The following OTOGL variants were observed in gnomAD, a reference collection of about 807,000 sequenced individuals.
OTOGL encodes the protein otogelin like.
A neutral mutation model predicts 318.5 loss-of-function variants in OTOGL; 285 were observed. The ratio of observed to expected loss-of-function variants is 0.89; its 90% CI spans 0.81 to 0.99. The LOEUF (loss-of-function observed/expected upper bound fraction) is 0.99. OTOGL is among the 50% of genes least tolerant of loss of function. The probability of loss-of-function intolerance (pLI) is 0.00; values close to 1 mark genes in which losing one functional copy is unlikely to be tolerated. For synonymous variants in OTOGL, 987 were observed against 936.5 expected, an observed-to-expected ratio of 1.05 and a Z score of -0.99; for missense variants, 2,899 against 2,845.6, an observed-to-expected ratio of 1.02 and a Z score of -0.43.
chr12:80,312,061 AT>A (rs1886667677), intron 30 of OTOGL, among the ~76,000 whole-genome samples: 1 of 152,254 alleles, frequency 6.6e-6, no homozygotes. Context: ...ATAGCAAAAT[AT>A]AAAGTTAATT....
At chr12:80,123,186 C>T (rs1357727477) in intron 1 of OTOGL, among the ~76,000 whole-genome samples, 2 of 151,856 alleles carry the variant, frequency 1.3e-5, no homozygotes, top group Non-Finnish European at 2.9e-5. Flanking sequence ...CCTCCCCCTT[C>T]CCCCACCCCA....
chr12:80,320,201 T>A (rs960223977), intron 33 of OTOGL, among the ~76,000 whole-genome samples: 3 of 152,194 alleles, frequency 2.0e-5, no homozygotes, highest in African/African-American at 7.2e-5. Flanking sequence ...GACTGATTTT[T>A]TTTTTTAGTG....
At chr12:80,333,851 A>G (rs1019480133) in intron 38 of OTOGL, among the ~76,000 whole-genome samples, 3 of 152,146 alleles carry the variant, frequency 2.0e-5, no homozygotes, top group Admixed American at 1.3e-4. Flanking sequence ...AGGCAGAGGG[A>G]CCAGCAAGTG....
chr12:80,231,831 G>T (rs995833717), intron 8 of OTOGL, among the ~76,000 whole-genome samples: 1 of 150,516 alleles, frequency 6.6e-6, no homozygotes, highest in African/African-American at 2.5e-5. Context: ...TAGAGACGGG[G>T]TTTCACTGTG....
In OTOGL at chr12:80,366,636, T is replaced by A; in HGVS notation, c.6330T>A (p.Cys2110Ter). The A allele has an allele frequency of 7.3e-7, 1 of 1,376,684 alleles. No homozygotes were observed. The allele number at this position is 1,376,684 out of a possible 1,614,324, so 85.3% of individuals were successfully genotyped here. Residue 2110 changes from cysteine to a stop codon, truncating the protein, a stop_gained and splice_region_variant, in exon 53 of 59, where the codon TGT (cysteine) becomes TGA (stop). Coordinates refer to ENST00000547103, the MANE Select transcript of OTOGL (RefSeq NM_001378609.3). LOFTEE classifies it high-confidence loss of function. ...ATTGTGGATGCATACAGTATCTCTG[T>A]GGTAACTATGTCTTTTGTAACTTTT... ...QSDCGCIQYL[C>*]EKDDVCVFQE... is the part of the protein sequence containing the mutation.
chr12:80,167,199 T>A (rs572080729), intron 1 of OTOGL, among the ~76,000 whole-genome samples: 2 of 152,084 alleles, frequency 1.3e-5, no homozygotes, highest in South Asian at 4.1e-4. Context: ...AGAAACAGAT[T>A]TACCAGCAAA....
chr12:80,328,609 T>C, intron 35 of OTOGL, 56 bp from the exon 36 acceptor site: 1 of 1,324,448 alleles, frequency 7.6e-7, no homozygotes, highest in African/African-American at 1.5e-5. Context: ...GTAGTCCTTT[T>C]TTTTTTGTAT....
At chr12:80,362,583 TAAC>T (rs1424268746) in intron 52 of OTOGL, among the ~76,000 whole-genome samples, 2 of 152,206 alleles carry the variant, frequency 1.3e-5, no homozygotes, top group Non-Finnish European at 2.9e-5. Context: ...ATAGATATCT[TAAC>T]AATAAAATTT....
At chr12:80,353,269 A>G (rs1889665866) in intron 45 of OTOGL, 56 bp from the exon 46 acceptor site, 23 of 1,205,928 alleles carry the variant, frequency 1.9e-5, no homozygotes, top group Non-Finnish European at 2.3e-5. Flanking sequence ...TTCTTTTACT[A>G]GAATTTAAAT....
intron 1 of OTOGL, among the ~76,000 whole-genome samples, chr12:80,181,512 C>A (rs1029630473): frequency 6.6e-6 from 1 of 152,216 alleles, no homozygotes; most frequent in Admixed American, 6.5e-5. Flanking sequence ...GGTCCTCCTG[C>A]ATGGCAATGT....
At chr12:80,354,696 G>GT (rs1210569765) in intron 46 of OTOGL, among the ~76,000 whole-genome samples, 4 of 152,260 alleles carry the variant, frequency 2.6e-5, no homozygotes, top group Non-Finnish European at 4.4e-5. Flanking sequence ...GAAAGTATCT[G>GT]TGGAAGACTT....
intron 11 of OTOGL, among the ~76,000 whole-genome samples, chr12:80,244,425 G>GT (rs1426389834): frequency 6.7e-6 from 1 of 148,412 alleles, no homozygotes; most frequent in East Asian, 2.0e-4. Context: ...GCCGTGTTTG[G>GT]TTTTTTGTTC....
intron 1 of OTOGL, among the ~76,000 whole-genome samples, chr12:80,127,542 A>ATCT (rs1870933289): frequency 6.6e-6 from 1 of 152,114 alleles, no homozygotes; most frequent in Non-Finnish European, 1.5e-5. Flanking sequence ...CTCGAGGAGT[A>ATCT]TCTTTGTGGC....
intron 29 of OTOGL, among the ~76,000 whole-genome samples, chr12:80,309,268 C>G (rs758347855): frequency 6.6e-6 from 1 of 152,026 alleles, no homozygotes; most frequent in African/African-American, 2.4e-5. Context: ...AATTAACAGT[C>G]GGAACATAGT....
At chr12:80,163,267 T>C (rs1382118903) in intron 1 of OTOGL, among the ~76,000 whole-genome samples, 1 of 152,118 alleles carries the variant, frequency 6.6e-6, no homozygotes, top group African/African-American at 2.4e-5. Context: ...AACAAATAGT[T>C]TATGAGATTC....
intron 26 of OTOGL, among the ~76,000 whole-genome samples, chr12:80,292,488 G>C (rs927960897): frequency 6.6e-6 from 1 of 152,126 alleles, no homozygotes; most frequent in Non-Finnish European, 1.5e-5. Context: ...CTAGTCTGAT[G>C]GCACAATCTC....
Position 80,210,876 on chromosome 12 carries a change from G to A in OTOGL, c.109G>A (p.Gly37Arg). The change falls in exon 3 of 59, where the codon GGA (glycine) becomes AGA (arginine). Residue 37 changes from glycine (G) to arginine (R), a missense_variant. Physicochemically the swap from Gly to Arg is moderately radical, Grantham distance 125. Transcript: ENST00000547103. ...EYICASSILM[G>R]TSKNGFNENR... ...TATTTGTGCATCGTCTATATTGATGGGAACATCAAAGTGAGTATTTCTTGT... is the reference window on the plus strand; with the variant it reads ...TATTTGTGCATCGTCTATATTGATGAGAACATCAAAGTGAGTATTTCTTGT... 1 of 1,479,584 alleles carries A rather than the reference G, an allele frequency of 6.8e-7. No individual in the cohort carries two copies. The highest frequency in any genetic ancestry group is 9.0e-7 in the Non-Finnish European group (1 of 1,111,706). 91.7% of individuals were successfully genotyped at this position (1,479,584 alleles called of 1,614,324 possible). A position where few individuals can be genotyped will look rare whatever the true frequency, so the allele number is the denominator to read the frequency against.
Position 80,315,725 on chromosome 12 carries a change from A to G in OTOGL, c.3634+1394A>G, listed in dbSNP as rs767791047. On this transcript the variant is annotated intron_variant, in intron 32 of 58. Transcript: ENST00000547103. ...AAAGAGATAATGAATTAAAAAGAAA[A>G]TGGGCATTTTTGATTTTAGTTGTAT... 7.1e-4 allele frequency among the ~76,000 whole-genome samples: 108 copies of G among 152,322 alleles called. 1 individual carries two copies. The highest frequency in any genetic ancestry group is 8.5e-4 in the Admixed American group (13 of 15,290).
chr12:80,297,161 C>A (rs953169973), intron 27 of OTOGL, among the ~76,000 whole-genome samples, 200 bp downstream of exon 27: 1 of 152,048 alleles, frequency 6.6e-6, no homozygotes, highest in Non-Finnish European at 1.5e-5. Context: ...TCTTCCAATT[C>A]GCTCCTCTTG....
Sources: allele counts gnomAD v4.1 joint callset (sites outside exome capture counted in the v4.1 genomes callset), GRCh38; gene constraint gnomAD v4.1.1; transcripts MANE v1.5; gene names NCBI Gene and HGNC (gene_info 2026-07-23, HGNC 2026-07-21).